ANKRD12: variants seen among roughly 807,000 people sequenced by gnomAD.
ANKRD12 encodes the protein ankyrin repeat domain 12.
A neutral mutation model predicts 183.4 loss-of-function variants in ANKRD12; 85 were observed. That is an observed-to-expected ratio of 0.46 (90% confidence interval 0.39 to 0.56). The LOEUF (loss-of-function observed/expected upper bound fraction) is 0.56, where lower values mean the gene tolerates loss of function less well. Among genes scored for constraint, ANKRD12 ranks in the 20% least tolerant of loss-of-function variants. The probability of loss-of-function intolerance (pLI) is 0.00; values close to 1 mark genes in which losing one functional copy is unlikely to be tolerated. For missense variants in ANKRD12, 2,405 were observed against 2,357.1 expected (o/e 1.02, Z -0.42); for synonymous variants, 914 against 800.2 (o/e 1.14, Z -2.40).
chr18:9,279,516 T>C (rs1221995709), intron 11 of ANKRD12, 33 bp from the exon 12 acceptor site: 1 of 1,262,980 alleles, frequency 7.9e-7, no homozygotes, highest in South Asian at 1.3e-5. Flanking sequence ...AAGTGATTTA[T>C]TGTATTTTAT....
chr18:9,258,614 C>A lies in ANKRD12; in HGVS notation c.5347C>A (p.His1783Asn). 6.2e-7 allele frequency: 1 copy of A among 1,613,820 alleles called. No homozygotes were observed. The highest frequency in any genetic ancestry group is 1.1e-5 in the South Asian group (1 of 91,028). ...LTEDDDPQIH[H>N]PRKRKVSRVP... ...TGAAGATGACGATCCTCAAATTCAC[C>A]ATCCACGGAAAAGGAAAGTGTCACG... is the stretch of plus-strand genomic sequence containing the variant. The change falls in exon 9 of 13, where the codon CAT becomes AAT. Residue 1783 changes from histidine (H) to asparagine (N), a missense_variant. Coordinates refer to ENST00000262126, the MANE Select transcript of ANKRD12 (RefSeq NM_015208.5).
At chr18:9,194,258 C>G (rs2034633450) in intron 2 of ANKRD12, among the ~76,000 whole-genome samples, 1 of 152,062 alleles carries the variant, frequency 6.6e-6, no homozygotes, top group Admixed American at 6.6e-5. Flanking sequence ...TTTTGCATTT[C>G]TAGTAAGTTT....
chr18:9,241,891 G>GTTT (rs200351682), intron 8 of ANKRD12, among the ~76,000 whole-genome samples: 7 of 138,588 alleles, frequency 5.1e-5, no homozygotes, highest in Admixed American at 7.3e-5. Flanking sequence ...ATTCCAGGTA[G>GTTT]TTTTTTTTTT....
chr18:9,152,066 AAAAG>A (rs1223131548), intron 1 of ANKRD12, among the ~76,000 whole-genome samples: 1 of 152,190 alleles, frequency 6.6e-6, no homozygotes, highest in Non-Finnish European at 1.5e-5. Context: ...TTAAAAAACA[AAAAG>A]AAAAAAATAA....
intron 1 of ANKRD12, among the ~76,000 whole-genome samples, chr18:9,177,571 G>C (rs145062615): frequency 1.2e-3 from 188 of 151,984 alleles, no homozygotes; most frequent in African/African-American, 4.4e-3. Flanking sequence ...ATTCTGCTTT[G>C]GGAACATTTC....
At chr18:9,278,162 T>A (rs1406029440) in intron 11 of ANKRD12, among the ~76,000 whole-genome samples, 1 of 152,232 alleles carries the variant, frequency 6.6e-6, no homozygotes, top group African/African-American at 2.4e-5. Context: ...TAAAAACATT[T>A]CTGCATTTTT....
At chr18:9,196,189 TACACACACAC>T (rs34220366) in intron 3 of ANKRD12, among the ~76,000 whole-genome samples, 47 of 51,638 alleles carry the variant, frequency 9.1e-4, no homozygotes, top group East Asian at 1.7e-3. Flanking sequence ...ATAGAATTTT[TACACACACAC>T]ACACACACAC....
At chr18:9,171,057 C>T (rs1343778425) in intron 1 of ANKRD12, among the ~76,000 whole-genome samples, 1 of 152,156 alleles carries the variant, frequency 6.6e-6, no homozygotes, top group Non-Finnish European at 1.5e-5. Context: ...CCTGATTGTT[C>T]CTCTGGAAGT....
chr18:9,267,657 C>T (rs1182359348), intron 10 of ANKRD12, among the ~76,000 whole-genome samples: 1 of 151,834 alleles, frequency 6.6e-6, no homozygotes, highest in Non-Finnish European at 1.5e-5. Flanking sequence ...TAAATGCCCC[C>T]AAGAGAAAGC....
intron 1 of ANKRD12, among the ~76,000 whole-genome samples, chr18:9,176,873 TA>T (rs2033312586): frequency 6.6e-6 from 1 of 152,216 alleles, no homozygotes. Flanking sequence ...TATTTTGTTT[TA>T]GAAGAAGATA....
chr18:9,200,096 A>G (rs2035078248), intron 3 of ANKRD12, among the ~76,000 whole-genome samples: 1 of 152,184 alleles, frequency 6.6e-6, no homozygotes, highest in African/African-American at 2.4e-5. Flanking sequence ...CCTAGCCTTC[A>G]TTTTGCGAGA....
chr18:9,161,401 A>T lies in ANKRD12; in HGVS notation c.-51-20981A>T, dbSNP rs1441046256. ...TATTTTTATTATTTTTTTGAGACAG[A>T]GTCTCGCTCTGTCACCCAGGCTGGA... On this transcript the variant is annotated intron_variant, in intron 1 of 12. Coordinates refer to ENST00000262126, the MANE Select transcript of ANKRD12 (RefSeq NM_015208.5). Among the ~76,000 whole-genome samples the T allele has an allele frequency of 3.3e-5, 5 of 151,396 alleles. No individual in the cohort carries two copies. In the East Asian group the frequency reaches 7.7e-4, roughly 23 times the overall value.
intron 1 of ANKRD12, among the ~76,000 whole-genome samples, chr18:9,162,395 G>T (rs572252943): frequency 1.9e-4 from 29 of 152,178 alleles, no homozygotes; most frequent in Middle Eastern, 3.4e-3. Context: ...CCTTTTTATG[G>T]CTGCATAGTA....
At chr18:9,173,250 A>G (rs2032921080) in intron 1 of ANKRD12, among the ~76,000 whole-genome samples, 1 of 151,812 alleles carries the variant, frequency 6.6e-6, no homozygotes, top group Non-Finnish European at 1.5e-5. Flanking sequence ...TTGTATTTTT[A>G]GTAGAGATGG....
Position 9,255,977 on chromosome 18 carries a change from A to G in ANKRD12, c.2710A>G (p.Arg904Gly), listed in dbSNP as rs763751970. The G allele has an allele frequency of 6.4e-7, 1 of 1,574,354 alleles. No homozygotes were observed. Among genetic ancestry groups the G allele is most frequent in the South Asian group, 1.2e-5 (1 of 82,918 alleles). The change falls in exon 9 of 13, where the codon AGA (arginine) becomes GGA (glycine). Residue 904 changes from arginine (R) to glycine (G), a missense_variant. Physicochemically the swap from Arg to Gly is moderately radical, Grantham distance 125 (BLOSUM62 -2). Transcript: ENST00000262126. The part of the protein sequence containing the change: ...IKKTDDREKS[R>G]EKMDRKHDKE... ...AAAAACTGACGACAGAGAGAAAAGT[A>G]GAGAAAAGATGGATAGGAAACATGA...
chr18:9,240,832 T>C (rs73394156), intron 8 of ANKRD12, among the ~76,000 whole-genome samples: 2,115 of 152,316 alleles, frequency 0.014, 56 homozygotes, highest in African/African-American at 0.048. Context: ...ACTGGTTTAC[T>C]GAGTGCGTTT....
At chr18:9,238,735 C>A (rs9961273) in intron 8 of ANKRD12, among the ~76,000 whole-genome samples, 115 of 152,302 alleles carry the variant, frequency 7.6e-4, no homozygotes, top group African/African-American at 2.7e-3. Context: ...CATCTTCCAG[C>A]TAAACTGAGA....
chr18:9,191,331 C>A (rs1403716139), intron 2 of ANKRD12, among the ~76,000 whole-genome samples: 1 of 152,088 alleles, frequency 6.6e-6, no homozygotes, highest in East Asian at 1.9e-4. Flanking sequence ...AGAAAAGAAA[C>A]CCTTTGTTCA....
chr18:9,270,893 G>A (rs1012502068), intron 10 of ANKRD12, among the ~76,000 whole-genome samples: 6 of 152,188 alleles, frequency 3.9e-5, no homozygotes, highest in African/African-American at 1.4e-4. Flanking sequence ...AACTTTAAAT[G>A]TCTGACTGAT....
Sources: gnomAD v4.1 joint callset for allele counts (sites outside exome capture counted in the v4.1 genomes callset) on GRCh38, gnomAD v4.1.1 for gene constraint, MANE v1.5 for transcripts, NCBI Gene and HGNC (gene_info 2026-07-23, HGNC 2026-07-21) for gene names.